The following BCO1 variants were observed in gnomAD, a reference collection of about 807,000 sequenced individuals.
BCO1 encodes the protein beta-carotene oxygenase 1.
A neutral mutation model predicts 56.3 loss-of-function variants in BCO1; 54 were observed. That is an observed-to-expected ratio of 0.96 (90% CI 0.77 to 1.20). The LOEUF is 1.20. Ranked by LOEUF, BCO1 falls within the 50% of genes most tolerant of loss-of-function variation. BCO1 has a pLI of 0.00. For synonymous variants in BCO1, 318 were observed against 266.1 expected, an observed-to-expected ratio of 1.20 and a Z score of -1.90; for missense variants, 801 against 690.9, an observed-to-expected ratio of 1.16 and a Z score of -1.79.
chr16:81,252,434 T>C (rs1455865167), intron 2 of BCO1, among the ~76,000 whole-genome samples: 1 of 152,138 alleles, frequency 6.6e-6, no homozygotes, highest in East Asian at 1.9e-4. Context: ...TTTTATATTT[T>C]CAGTAGAGAC....
At chr16:81,287,691 G>A (rs1474424708) in intron 10 of BCO1, among the ~76,000 whole-genome samples, 1 of 152,082 alleles carries the variant, frequency 6.6e-6, no homozygotes, top group East Asian at 1.9e-4. Context: ...CACAGTTCTG[G>A]TTTGTGGCAA....
chr16:81,248,572 A>G (rs892529121), intron 2 of BCO1, among the ~76,000 whole-genome samples: 8 of 152,170 alleles, frequency 5.3e-5, no homozygotes, highest in African/African-American at 1.7e-4. Context: ...TACCTTGCAG[A>G]TTTTACTGTG....
chr16:81,246,850 C>CAAAAAAA (rs71710906), intron 2 of BCO1, among the ~76,000 whole-genome samples: 12 of 83,328 alleles, frequency 1.4e-4, no homozygotes, highest in African/African-American at 2.5e-4. Flanking sequence ...GACTTTGTCT[C>CAAAAAAA]AAAAAAAAAA....
At chr16:81,252,557 A>G (rs981013903) in intron 2 of BCO1, among the ~76,000 whole-genome samples, 1 of 152,166 alleles carries the variant, frequency 6.6e-6, no homozygotes, top group Admixed American at 6.5e-5. Flanking sequence ...CACCCAGCCA[A>G]TATTTCAAGT....
intron 6 of BCO1, 94 bp from the exon 7 acceptor site, chr16:81,270,065 C>G: frequency 6.6e-7 from 1 of 1,508,990 alleles, no homozygotes. Context: ...CTGAGCCTAG[C>G]TCCTGGCGGG....
At chr16:81,243,272 T>A (rs1905220416) in intron 1 of BCO1, among the ~76,000 whole-genome samples, 1 of 152,202 alleles carries the variant, frequency 6.6e-6, no homozygotes, top group African/African-American at 2.4e-5. Flanking sequence ...GGTCCTGTCC[T>A]TCCCTATTAT....
intron 7 of BCO1, among the ~76,000 whole-genome samples, chr16:81,271,219 G>C (rs1399843911): frequency 1.3e-5 from 2 of 151,356 alleles, no homozygotes; most frequent in South Asian, 4.2e-4. Context: ...GATTCAAGCG[G>C]TTCTCCTGCC....
chr16:81,261,781 G>A (rs1465050455), intron 3 of BCO1: 3 of 241,344 alleles, frequency 1.2e-5, no homozygotes, highest in South Asian at 5.0e-5. Flanking sequence ...TCGCTCTTTC[G>A]CCCAGGCTGG....
intron 5 of BCO1, among the ~76,000 whole-genome samples, chr16:81,267,394 C>A (rs1479872416): frequency 1.3e-5 from 2 of 152,164 alleles, no homozygotes; most frequent in African/African-American, 4.8e-5. Flanking sequence ...GGGCAGATCA[C>A]CTGAGGTCAG....
At chr16:81,260,023 T>A (rs1906387263) in intron 3 of BCO1, among the ~76,000 whole-genome samples, 1 of 152,196 alleles carries the variant, frequency 6.6e-6, no homozygotes, top group South Asian at 2.1e-4. Context: ...ACATGGCTGG[T>A]GGGAAAGCGA....
chr16:81,289,181 G>A (rs952083809), intron 10 of BCO1, among the ~76,000 whole-genome samples: 1 of 152,180 alleles, frequency 6.6e-6, no homozygotes, highest in African/African-American at 2.4e-5. Flanking sequence ...CTTCCACCTG[G>A]GACCCTCTGG....
chr16:81,244,287 C>T (rs758942627), intron 1 of BCO1, among the ~76,000 whole-genome samples: 10 of 152,210 alleles, frequency 6.6e-5, no homozygotes, highest in South Asian at 2.1e-4. Context: ...CACACGTGCA[C>T]TTTTAAATTT....
chr16:81,261,741 G>A (rs1158016611), intron 3 of BCO1, among the ~76,000 whole-genome samples: 1 of 151,734 alleles, frequency 6.6e-6, no homozygotes, highest in Non-Finnish European at 1.5e-5. Flanking sequence ...TTGAAGTAAA[G>A]CATTTTTTTT....
At chr16:81,279,025 C>G (rs1386891172) in intron 7 of BCO1, among the ~76,000 whole-genome samples, 1 of 152,054 alleles carries the variant, frequency 6.6e-6, no homozygotes, top group African/African-American at 2.4e-5. Flanking sequence ...GCTTGTAATC[C>G]CAGCACTTTG....
chr16:81,288,939 T>C lies in BCO1; in HGVS notation c.1415-1409T>C, dbSNP rs1192388224. ...ATGGCACGCCAGGCCAGCAACCCTGTGTCACTGTCATCTCCAAGGCGGGGG... is the reference window on the plus strand; with the variant it reads ...ATGGCACGCCAGGCCAGCAACCCTGCGTCACTGTCATCTCCAAGGCGGGGG... On this transcript the variant is annotated intron_variant, in intron 10 of 10. Transcript: ENST00000258168. Among the ~76,000 whole-genome samples, 4 of 152,316 alleles carry C rather than the reference T, an allele frequency of 2.6e-5. 1 individual carries two copies. The highest frequency in any genetic ancestry group is 9.6e-5 in the African/African-American group (4 of 41,584).
intron 6 of BCO1, among the ~76,000 whole-genome samples, chr16:81,269,446 C>A (rs1339388804): frequency 6.6e-6 from 1 of 152,006 alleles, no homozygotes; most frequent in Non-Finnish European, 1.5e-5. Flanking sequence ...TAGGCACACG[C>A]CACAATGCCT....
rs376055699 is a variant in BCO1, at chr16:81,262,244, C to T, written c.432C>T (p.Ile144=). 14 of 1,613,630 alleles carry T rather than the reference C, an allele frequency of 8.7e-6. No homozygotes were observed. In the African/African-American group the frequency reaches 1.6e-4, roughly 18 times the overall value. ...ACGCGACCTCAGAGACCAATTACAT[C>T]AGGAAAATCAACCCACAGACTCTGG... ...DFYATSETNY[I]RKINPQTLET... Residue 144 remains isoleucine (I), a synonymous_variant, in exon 4 of 11, where the codon ATC becomes ATT. Coordinates refer to ENST00000258168, the MANE Select transcript of BCO1 (RefSeq NM_017429.3).
chr16:81,249,971 G>C (rs150703425), intron 2 of BCO1, among the ~76,000 whole-genome samples: 2 of 152,158 alleles, frequency 1.3e-5, no homozygotes, highest in African/African-American at 4.8e-5. Context: ...ATATGGAGCT[G>C]AGATGGTACA....
intron 2 of BCO1, among the ~76,000 whole-genome samples, chr16:81,250,340 C>T (rs2151929615): frequency 6.6e-6 from 1 of 152,278 alleles, no homozygotes; most frequent in South Asian, 2.1e-4. Context: ...CATCCCAATC[C>T]TCTCAGTGCT....
Sources: allele counts gnomAD v4.1 joint callset (sites outside exome capture counted in the v4.1 genomes callset), GRCh38; gene constraint gnomAD v4.1.1; transcripts MANE v1.5; gene names NCBI Gene and HGNC (gene_info 2026-07-23, HGNC 2026-07-21).